C12orf42: variants seen among roughly 807,000 people sequenced by gnomAD.
The protein encoded by C12orf42 is uncharacterized protein C12orf42.
Under a neutral mutation model 21.6 loss-of-function variants are expected in C12orf42, and 25 were observed. That is an observed-to-expected ratio of 1.16 (90% CI 0.84 to 1.62). The LOEUF is 1.62. Among genes scored for constraint, C12orf42 ranks in the 40% most tolerant of loss-of-function variants. C12orf42 has a pLI of 0.00. For synonymous variants in C12orf42, 174 were observed against 175.0 expected, an observed-to-expected ratio of 0.99 and a Z score of 0.05; for missense variants, 483 against 459.3, an observed-to-expected ratio of 1.05 and a Z score of -0.47.
At chr12:103,203,269 C>T in the C12orf42 span, among the ~76,000 whole-genome samples, 1 of 152,180 alleles carries the variant, frequency 6.6e-6, no homozygotes, top group Admixed American at 6.5e-5. Context: ...CCCTGATCCC[C>T]AATCCCGTGA....
chr12:103,116,076 T>A, the C12orf42 span, among the ~76,000 whole-genome samples: 4 of 152,026 alleles, frequency 2.6e-5, no homozygotes, highest in African/African-American at 9.7e-5. Context: ...AAATATAAAT[T>A]TGGGGCCGGG....
At chr12:103,529,759 G>C in the C12orf42 span, among the ~76,000 whole-genome samples, 1 of 152,116 alleles carries the variant, frequency 6.6e-6, no homozygotes, top group Non-Finnish European at 1.5e-5. Context: ...CCTTTTATGA[G>C]GTTTGGCTAT....
intron 3 of C12orf42, among the ~76,000 whole-genome samples, chr12:103,370,468 T>G (rs2045092620): frequency 2.0e-5 from 3 of 152,094 alleles, no homozygotes; most frequent in Non-Finnish European, 2.9e-5. Flanking sequence ...AGCAAAGACA[T>G]GGAGTCAACC....
the C12orf42 span, among the ~76,000 whole-genome samples, chr12:103,200,025 C>T: frequency 0.011 from 1,640 of 152,166 alleles, 17 homozygotes; most frequent in Non-Finnish European, 0.018. Context: ...GAGATATTTG[C>T]ACTCCCATGT....
At chr12:103,182,165 G>C in the C12orf42 span, among the ~76,000 whole-genome samples, 5 of 151,530 alleles carry the variant, frequency 3.3e-5, no homozygotes, top group African/African-American at 1.2e-4. Flanking sequence ...AACCAGACTT[G>C]CTCACTCCCA....
chr12:103,056,447 C>T, the C12orf42 span, among the ~76,000 whole-genome samples: 2 of 150,090 alleles, frequency 1.3e-5, no homozygotes, highest in African/African-American at 4.9e-5. Flanking sequence ...TAAGATTTAT[C>T]TTGTTTAGAT....
chr12:103,512,603 A>AT, the C12orf42 span, among the ~76,000 whole-genome samples: 2 of 152,270 alleles, frequency 1.3e-5, no homozygotes, highest in East Asian at 1.9e-4. Context: ...TTGTATATCA[A>AT]TTTTTTCTCA....
chr12:103,563,217 C>T, the C12orf42 span, among the ~76,000 whole-genome samples: 1 of 152,168 alleles, frequency 6.6e-6, no homozygotes, highest in Non-Finnish European at 1.5e-5. Context: ...TCCAGGACTC[C>T]TGCCTCAAGG....
chr12:103,407,261 AT>A (rs142615864), intron 2 of C12orf42, among the ~76,000 whole-genome samples: 2,155 of 152,262 alleles, frequency 0.014, 51 homozygotes, highest in African/African-American at 0.049. Flanking sequence ...TTACATAATG[AT>A]TTTAATCTTT....
At chr12:103,507,767 T>C in the C12orf42 span, among the ~76,000 whole-genome samples, 35 of 152,212 alleles carry the variant, frequency 2.3e-4, no homozygotes, top group African/African-American at 7.9e-4. Flanking sequence ...ATGAGATCCA[T>C]TATATTTGAA....
At chr12:103,131,979 T>C in the C12orf42 span, among the ~76,000 whole-genome samples, 1 of 152,170 alleles carries the variant, frequency 6.6e-6, no homozygotes, top group Non-Finnish European at 1.5e-5. Flanking sequence ...GTGATAATGA[T>C]GATGGTGAGT....
the C12orf42 span, among the ~76,000 whole-genome samples, chr12:103,142,038 T>A: frequency 6.6e-6 from 1 of 152,136 alleles, no homozygotes; most frequent in African/African-American, 2.4e-5. Context: ...TCCTAGACAT[T>A]TAAAAATGTC....
At chr12:103,212,764 T>A in the C12orf42 span, among the ~76,000 whole-genome samples, 1 of 152,150 alleles carries the variant, frequency 6.6e-6, no homozygotes, top group African/African-American at 2.4e-5. Context: ...ATTATCATCA[T>A]ACTTCCCTAA....
At chr12:103,499,399 C>T (rs957777830), upstream of C12orf42, among the ~76,000 whole-genome samples, 10 of 152,262 alleles carry the variant, frequency 6.6e-5, no homozygotes, top group African/African-American at 2.2e-4. Context: ...AATTATACCA[C>T]ACCAAATCTG....
At chr12:103,449,502 T>A (rs546748712) in intron 2 of C12orf42, among the ~76,000 whole-genome samples, 1 of 151,940 alleles carries the variant, frequency 6.6e-6, no homozygotes, top group South Asian at 2.1e-4. Context: ...AAAAAATAAA[T>A]TTAAAAAATA....
chr12:103,137,299 C>T, the C12orf42 span, among the ~76,000 whole-genome samples: 1 of 151,334 alleles, frequency 6.6e-6, no homozygotes, highest in Non-Finnish European at 1.5e-5. Flanking sequence ...CAGGGAAACG[C>T]AGATCAAAAC....
At chr12:103,110,605 T>C in the C12orf42 span, among the ~76,000 whole-genome samples, 1 of 152,190 alleles carries the variant, frequency 6.6e-6, no homozygotes, top group Non-Finnish European at 1.5e-5. Flanking sequence ...GTTTGAAATA[T>C]ATTATAACTA....
chr12:103,132,016 C>A, the C12orf42 span, among the ~76,000 whole-genome samples: 1 of 152,038 alleles, frequency 6.6e-6, no homozygotes, highest in Non-Finnish European at 1.5e-5. Context: ...CACTTCAAAC[C>A]GTCTATCAAG....
intron 4 of C12orf42, among the ~76,000 whole-genome samples, chr12:103,365,402 T>C (rs1463135306): frequency 6.6e-6 from 1 of 152,086 alleles, no homozygotes; most frequent in East Asian, 1.9e-4. Flanking sequence ...GTATTCCCTC[T>C]GAGAACTGGA....
Sources: allele counts gnomAD v4.1 joint callset (sites outside exome capture counted in the v4.1 genomes callset), GRCh38; gene constraint gnomAD v4.1.1; transcripts MANE v1.5; gene names NCBI Gene and HGNC (gene_info 2026-07-23, HGNC 2026-07-21).